The following PPFIA2 variants were observed in gnomAD, a reference collection of about 807,000 sequenced individuals.
PPFIA2 encodes the protein liprin-alpha-2.
In PPFIA2, 46 loss-of-function variants were observed where a neutral mutation model predicts 175.5. That is an observed-to-expected ratio of 0.26 (90% CI 0.21 to 0.34). The LOEUF is 0.34. Among genes scored for constraint, PPFIA2 ranks in the 10% least tolerant of loss-of-function variants. PPFIA2 has a pLI of 1.00. For synonymous variants in PPFIA2, 568 were observed against 511.4 expected (o/e 1.11, Z -1.49); for missense variants, 1,179 against 1,506.1 (o/e 0.78, Z 3.60).
chr12:81,424,361 C>T (rs1015627328), intron 7 of PPFIA2, among the ~76,000 whole-genome samples: 4 of 152,082 alleles, frequency 2.6e-5, no homozygotes, highest in African/African-American at 9.7e-5. Flanking sequence ...AATTTCTAAA[C>T]ATAATTCAGT....
chr12:81,744,872 T>C (rs2153658298), intron 3 of PPFIA2, among the ~76,000 whole-genome samples: 1 of 152,356 alleles, frequency 6.6e-6, no homozygotes, highest in Admixed American at 6.5e-5. Flanking sequence ...TCCTGGTGAA[T>C]ACCACTTACA....
At chr12:81,389,125 T>TA (rs1566607608) in intron 8 of PPFIA2, among the ~76,000 whole-genome samples, 101 of 144,942 alleles carry the variant, frequency 7.0e-4, no homozygotes, top group Non-Finnish European at 1.4e-3. Flanking sequence ...ATTCAATATT[T>TA]TATATATATA....
chr12:81,703,355 T>G (rs1342870137), intron 3 of PPFIA2, among the ~76,000 whole-genome samples: 1 of 152,022 alleles, frequency 6.6e-6, no homozygotes, highest in Non-Finnish European at 1.5e-5. Context: ...AAAAAATCAT[T>G]CCAACAAAAC....
intron 4 of PPFIA2, among the ~76,000 whole-genome samples, chr12:81,545,161 C>T (rs937671961): frequency 2.6e-5 from 4 of 151,868 alleles, no homozygotes; most frequent in South Asian, 4.2e-4. Flanking sequence ...GCATGCTACA[C>T]TAACTTACAA....
At chr12:81,303,119 G>T (rs965274013) in intron 22 of PPFIA2, among the ~76,000 whole-genome samples, 1 of 152,162 alleles carries the variant, frequency 6.6e-6, no homozygotes, top group Non-Finnish European at 1.5e-5. Context: ...AAGGGATTTA[G>T]TCTGGAATGG....
At chr12:81,676,726 T>G in intron 4 of PPFIA2, 65 bp downstream of exon 4, 1 of 1,149,774 alleles carries the variant, frequency 8.7e-7, no homozygotes, top group Non-Finnish European at 1.2e-6. Flanking sequence ...AGCAATCAAC[T>G]GATAATCTGG....
intron 3 of PPFIA2, among the ~76,000 whole-genome samples, chr12:81,701,251 C>T (rs1439677704): frequency 6.6e-6 from 1 of 152,154 alleles, no homozygotes; most frequent in Non-Finnish European, 1.5e-5. Context: ...CAGCAAATGT[C>T]ACCTATAACT....
chr12:81,584,214 C>T lies in PPFIA2; in HGVS notation c.303+92577G>A, dbSNP rs1442591078. On this transcript the variant is annotated intron_variant, in intron 4 of 32. Transcript: ENST00000549396. ...TATATTGTTGTTAAAACATGTGATTCCTTATATATTAAATATTTAACATTA... is the reference window on the plus strand; with the variant it reads ...TATATTGTTGTTAAAACATGTGATTTCTTATATATTAAATATTTAACATTA... Among the ~76,000 whole-genome samples, 4 of 151,654 alleles carry T rather than the reference C, an allele frequency of 2.6e-5. No individual in the cohort carries two copies. In the East Asian group the frequency reaches 7.7e-4, roughly 29 times the overall value.
chr12:81,732,676 T>TA (rs1244575086), intron 3 of PPFIA2, among the ~76,000 whole-genome samples: 1 of 151,038 alleles, frequency 6.6e-6, no homozygotes, highest in Non-Finnish European at 1.5e-5. Context: ...AAAGAGGAAA[T>TA]AAAAAATTAA....
chr12:81,582,065 C>T (rs2074500674), intron 4 of PPFIA2, among the ~76,000 whole-genome samples: 1 of 151,870 alleles, frequency 6.6e-6, no homozygotes, highest in African/African-American at 2.4e-5. Flanking sequence ...TCCGCCTCAT[C>T]TAGAAAATCC....
chr12:81,305,749 T>C (rs1423520492), intron 22 of PPFIA2, among the ~76,000 whole-genome samples: 1 of 152,246 alleles, frequency 6.6e-6, no homozygotes, highest in Non-Finnish European at 1.5e-5. Flanking sequence ...ATGTCTCAAC[T>C]ATTTAAAATT....
intron 4 of PPFIA2, among the ~76,000 whole-genome samples, chr12:81,486,058 G>A (rs1024546216): frequency 1.5e-4 from 22 of 151,652 alleles, no homozygotes; most frequent in Admixed American, 9.9e-4. Context: ...CATTTTTAGC[G>A]TTATAAATTA....
intron 3 of PPFIA2, among the ~76,000 whole-genome samples, chr12:81,735,521 A>G (rs2081464926): frequency 6.6e-6 from 1 of 151,592 alleles, no homozygotes; most frequent in African/African-American, 2.4e-5. Flanking sequence ...TTTTGAAAGC[A>G]TTTTCTCCTA....
At chr12:81,533,515 T>A (rs902610912) in intron 4 of PPFIA2, among the ~76,000 whole-genome samples, 1 of 151,610 alleles carries the variant, frequency 6.6e-6, no homozygotes, top group Non-Finnish European at 1.5e-5. Context: ...TTTCCACAAC[T>A]TGAAATTTTC....
intron 4 of PPFIA2, among the ~76,000 whole-genome samples, chr12:81,464,619 T>C (rs139839191): frequency 6.6e-6 from 1 of 152,174 alleles, no homozygotes; most frequent in South Asian, 2.1e-4. Context: ...TCTGCATATG[T>C]TATTTCCAAA....
chr12:81,478,494 G>A (rs557046406), intron 4 of PPFIA2, among the ~76,000 whole-genome samples: 1 of 152,004 alleles, frequency 6.6e-6, no homozygotes, highest in Non-Finnish European at 1.5e-5. Context: ...TCTTTTAATT[G>A]TGATTTTAGG....
chr12:81,369,334 G>C (rs1312083959), intron 11 of PPFIA2, 140 bp from the exon 12 acceptor site: 2 of 1,500,796 alleles, frequency 1.3e-6, no homozygotes, highest in Admixed American at 4.0e-5. Context: ...CTTCAAACAG[G>C]CAGCTGAACA....
At chr12:81,731,933 G>A (rs1323266287) in intron 3 of PPFIA2, among the ~76,000 whole-genome samples, 1 of 151,560 alleles carries the variant, frequency 6.6e-6, no homozygotes, top group East Asian at 1.9e-4. Flanking sequence ...AGAGTCAGCA[G>A]TGCAGGGGTG....
chr12:81,362,368 C>T (rs897813191), intron 15 of PPFIA2, among the ~76,000 whole-genome samples: 11 of 151,116 alleles, frequency 7.3e-5, no homozygotes, highest in Non-Finnish European at 1.2e-4. Context: ...GAAGGGCTGA[C>T]GCCTCTTCTT....
Sources: gnomAD v4.1 joint callset for allele counts (sites outside exome capture counted in the v4.1 genomes callset) on GRCh38, gnomAD v4.1.1 for gene constraint, MANE v1.5 for transcripts, NCBI Gene and HGNC (gene_info 2026-07-23, HGNC 2026-07-21) for gene names.